The following RBFOX1 variants were observed in gnomAD, a reference collection of about 807,000 sequenced individuals.
The protein encoded by RBFOX1 is RNA binding fox-1 homolog 1, also known as RNA binding protein fox-1 homolog 1.
A neutral mutation model predicts 57.7 loss-of-function variants in RBFOX1; 8 were observed. That is an observed-to-expected ratio of 0.14 (90% confidence interval 0.08 to 0.25). The LOEUF (loss-of-function observed/expected upper bound fraction) is 0.25. RBFOX1 is among the 10% of genes least tolerant of loss of function. RBFOX1 has a pLI of 1.00. For synonymous variants in RBFOX1, 326 were observed against 222.4 expected, an observed-to-expected ratio of 1.47 and a Z score of -4.15; for missense variants, 611 against 548.5, an observed-to-expected ratio of 1.11 and a Z score of -1.14.
intron 1 of RBFOX1, among the ~76,000 whole-genome samples, chr16:6,267,858 C>A (rs1230055544): frequency 1.3e-5 from 2 of 152,130 alleles, no homozygotes; most frequent in Non-Finnish European, 2.9e-5. Context: ...CTGCAAAGAA[C>A]AGTGAGCATG....
intron 3 of RBFOX1, among the ~76,000 whole-genome samples, chr16:5,782,617 G>A (rs1030746197): frequency 2.0e-5 from 3 of 152,190 alleles, no homozygotes; most frequent in Non-Finnish European, 4.4e-5. Context: ...GGTTCTCCAG[G>A]GAAACAGAAC....
At chr16:6,311,030 C>T (rs1395733634) in intron 1 of RBFOX1, among the ~76,000 whole-genome samples, 3 of 152,010 alleles carry the variant, frequency 2.0e-5, no homozygotes, top group Non-Finnish European at 4.4e-5. Context: ...GATGTGGTGG[C>T]TCACACTTTT....
chr16:6,996,414 T>C (rs1015194395), intron 3 of RBFOX1, among the ~76,000 whole-genome samples: 1 of 152,168 alleles, frequency 6.6e-6, no homozygotes, highest in Non-Finnish European at 1.5e-5. Context: ...TATAGGTATC[T>C]GGATACACAT....
At chr16:7,441,764 G>C (rs867248439) in intron 4 of RBFOX1, among the ~76,000 whole-genome samples, 1 of 152,184 alleles carries the variant, frequency 6.6e-6, no homozygotes, top group Non-Finnish European at 1.5e-5. Context: ...GCACACCTCA[G>C]TGTGGAGATG....
At chr16:6,994,526 A>AT (rs751363940) in intron 3 of RBFOX1, among the ~76,000 whole-genome samples, 29 of 152,138 alleles carry the variant, frequency 1.9e-4, no homozygotes, top group Admixed American at 1.2e-3. Flanking sequence ...ATTTTCTTGC[A>AT]TTTTTTAATA....
At chr16:6,915,248 G>A (rs35654864) in intron 3 of RBFOX1, among the ~76,000 whole-genome samples, 29,527 of 152,032 alleles carry the variant, frequency 0.19, 3,091 homozygotes, top group East Asian at 0.27. Context: ...GTGGTCCTCA[G>A]CATTTCTACT....
intron 3 of RBFOX1, among the ~76,000 whole-genome samples, chr16:7,046,237 G>GGTGTGTGTGTGTGTGT (rs34943266): frequency 4.1e-5 from 6 of 146,590 alleles, no homozygotes; most frequent in East Asian, 2.0e-4. Context: ...TAGGTAAAGG[G>GGTGTGTGTGTGTGTGT]GTGTGTGTGT....
At chr16:5,831,473 T>TTTATTATTATTA (rs149535816) in intron 3 of RBFOX1, among the ~76,000 whole-genome samples, 9,309 of 141,414 alleles carry the variant, frequency 0.066, 394 homozygotes, top group African/African-American at 0.11. Flanking sequence ...TCTTTTCTCT[T>TTTATTATTATTA]TTATTATTAT....
chr16:7,575,889 A>G (rs1312271305), intron 5 of RBFOX1, among the ~76,000 whole-genome samples: 1 of 152,050 alleles, frequency 6.6e-6, no homozygotes, highest in African/African-American at 2.4e-5. Flanking sequence ...CTCCTGCTGC[A>G]TTTCATCCTT....
intron 3 of RBFOX1, among the ~76,000 whole-genome samples, chr16:5,850,927 C>T (rs1393683582): frequency 6.6e-6 from 1 of 152,222 alleles, no homozygotes; most frequent in Non-Finnish European, 1.5e-5. Flanking sequence ...CGCAGCCTGG[C>T]TGGAGATGGC....
At chr16:5,882,353 G>C (rs952249626) in intron 4 of RBFOX1, among the ~76,000 whole-genome samples, 1 of 152,118 alleles carries the variant, frequency 6.6e-6, no homozygotes, top group Non-Finnish European at 1.5e-5. Flanking sequence ...CAAAGCCTGC[G>C]GATGAGCAAT....
At chr16:5,410,516 G>A (rs1044880063) in intron 1 of RBFOX1, among the ~76,000 whole-genome samples, 4 of 152,172 alleles carry the variant, frequency 2.6e-5, no homozygotes, top group Non-Finnish European at 2.9e-5. Context: ...AATATACCTT[G>A]TAAAGTAACT....
intron 3 of RBFOX1, among the ~76,000 whole-genome samples, chr16:5,790,457 A>AT (rs1261366049): frequency 2.0e-5 from 3 of 152,142 alleles, no homozygotes; most frequent in African/African-American, 7.2e-5. Flanking sequence ...TCAAAGGAAG[A>AT]AAAAATTGCT....
At chr16:5,759,305 T>C (rs1216859819) in intron 3 of RBFOX1, among the ~76,000 whole-genome samples, 1 of 152,194 alleles carries the variant, frequency 6.6e-6, no homozygotes, top group Non-Finnish European at 1.5e-5. Flanking sequence ...TGTTTGCCCA[T>C]AGTGGGAATT....
intron 1 of RBFOX1, among the ~76,000 whole-genome samples, chr16:5,247,750 CAAA>C (rs57736835): frequency 6.6e-6 from 1 of 151,798 alleles, no homozygotes; most frequent in Non-Finnish European, 1.5e-5. Flanking sequence ...TCGAGAGAAA[CAAA>C]AAAAATGCTG....
At chr16:7,505,982 G>A (rs1014954577) in intron 4 of RBFOX1, among the ~76,000 whole-genome samples, 1 of 151,934 alleles carries the variant, frequency 6.6e-6, no homozygotes, top group African/African-American at 2.4e-5. Flanking sequence ...TCAGGAGGTT[G>A]AGACCATCCT....
intron 1 of RBFOX1, among the ~76,000 whole-genome samples, chr16:5,282,604 G>A (rs200448536): frequency 1.4e-5 from 1 of 69,950 alleles, no homozygotes; most frequent in Non-Finnish European, 3.3e-5. Flanking sequence ...TTATGTTTTA[G>A]CAAAGAGACT....
chr16:5,403,264 C>T (rs1047759712), intron 1 of RBFOX1, among the ~76,000 whole-genome samples: 1 of 149,270 alleles, frequency 6.7e-6, no homozygotes, highest in African/African-American at 2.5e-5. Context: ...GCAGGAGAAT[C>T]GCTTGAGCCT....
intron 3 of RBFOX1, among the ~76,000 whole-genome samples, chr16:6,798,372 G>C (rs2084579948): frequency 6.6e-6 from 1 of 152,160 alleles, no homozygotes; most frequent in Non-Finnish European, 1.5e-5. Flanking sequence ...AAACGTGAAA[G>C]CCATTCTGAG....
Sources: gnomAD v4.1 joint callset for allele counts (sites outside exome capture counted in the v4.1 genomes callset) on GRCh38, gnomAD v4.1.1 for gene constraint, MANE v1.5 for transcripts, NCBI Gene and HGNC (gene_info 2026-07-23, HGNC 2026-07-21) for gene names.